The following CPZ variants were observed in gnomAD, a reference collection of about 807,000 sequenced individuals.
CPZ encodes the protein carboxypeptidase Z, also known as VEZT/CPZ fusion.
Under a neutral mutation model 61.8 loss-of-function variants are expected in CPZ, and 103 were observed. The ratio of observed to expected loss-of-function variants is 1.67; its 90% CI spans 1.42 to 1.96. The LOEUF (loss-of-function observed/expected upper bound fraction) is 1.96, where lower values mean the gene tolerates loss of function less well. CPZ is among the 30% of genes most tolerant of loss of function. The pLI, the probability that CPZ is intolerant of heterozygous loss-of-function variation, is 0.00. For missense variants in CPZ, 1,461 were observed against 914.9 expected, an observed-to-expected ratio of 1.60 and a Z score of -7.70; for synonymous variants, 551 against 373.7, an observed-to-expected ratio of 1.47 and a Z score of -5.47.
At chr4:8,615,406 C>T (rs1340857871) in intron 9 of CPZ, among the ~76,000 whole-genome samples, 2 of 152,200 alleles carry the variant, frequency 1.3e-5, no homozygotes, top group Non-Finnish European at 2.9e-5. Flanking sequence ...TTCGAAGAAG[C>T]TTCTGCTATT....
chr4:8,593,207 C>T (rs987425323), intron 1 of CPZ, among the ~76,000 whole-genome samples: 11 of 152,192 alleles, frequency 7.2e-5, no homozygotes, highest in African/African-American at 2.7e-4. Flanking sequence ...TCCTGTCGGA[C>T]ACAGCAGCAG....
At chr4:8,612,746 A>G (rs1043737718) in intron 8 of CPZ, among the ~76,000 whole-genome samples, 9 of 152,212 alleles carry the variant, frequency 5.9e-5, no homozygotes, top group African/African-American at 2.2e-4. Context: ...GACCAGGCAC[A>G]CATGCTCTGG....
At chr4:8,612,221 G>GGGGGGGGGGGGGGGGGGGGGC in intron 8 of CPZ, 59 bp downstream of exon 8, 3 of 206,196 alleles carry the variant, frequency 1.5e-5, no homozygotes, top group East Asian at 1.6e-4. Context: ...GCTGGGTGGG[G>GGGGGGGGGGGGGGGGGGGGGC]CAGGGGCAAG....
intron 7 of CPZ, among the ~76,000 whole-genome samples, chr4:8,609,044 C>A (rs1434100884): frequency 7.4e-6 from 1 of 135,766 alleles, no homozygotes; most frequent in African/African-American, 2.9e-5. Flanking sequence ...CACCCATTCA[C>A]TCCCTCCCTC....
chr4:8,612,429 ATGACC>A (rs1715791314), intron 8 of CPZ, among the ~76,000 whole-genome samples: 1 of 152,222 alleles, frequency 6.6e-6, no homozygotes, highest in Non-Finnish European at 1.5e-5. Context: ...GGTTTCACCC[ATGACC>A]AATACCTTTG....
rs1454835705 is a variant in CPZ at position 8,604,090 on chromosome 4, G to A, written c.611G>A (p.Cys204Tyr). ...GTGCTGAGGCGGACGGCCTCCCGCTGCGCCCACGTGGCCAGGACCTACAGC... is the reference window on the plus strand; with the variant it reads ...GTGCTGAGGCGGACGGCCTCCCGCTACGCCCACGTGGCCAGGACCTACAGC... Reference protein sequence around the residue: ...VRVLRRTASRCAHVARTYSIG... With the variant: ...VRVLRRTASRYAHVARTYSIG... Residue 204 changes from cysteine to tyrosine, a missense_variant, in exon 4 of 11, where the codon TGC becomes TAC. By Grantham distance (194) the Cys-to-Tyr change is radical. Transcript: ENST00000360986. The A allele has an allele frequency of 6.2e-7, 1 of 1,608,920 alleles. No individual in the cohort carries two copies. Among genetic ancestry groups the A allele is most frequent in the Non-Finnish European group, 8.5e-7 (1 of 1,178,590 alleles).
chr4:8,610,646 A>T (rs1297399554), intron 7 of CPZ, among the ~76,000 whole-genome samples: 2 of 152,086 alleles, frequency 1.3e-5, no homozygotes, highest in Non-Finnish European at 2.9e-5. Flanking sequence ...CGTTTGTTGG[A>T]TGTGATTCAT....
At chr4:8,616,671 G>A (rs1716195543) in intron 9 of CPZ, among the ~76,000 whole-genome samples, 1 of 152,194 alleles carries the variant, frequency 6.6e-6, no homozygotes, top group Admixed American at 6.5e-5. Flanking sequence ...GCTGTCTGGG[G>A]GTGAGGAGGA....
intron 7 of CPZ, among the ~76,000 whole-genome samples, chr4:8,611,773 T>C (rs1715717545): frequency 6.6e-6 from 1 of 151,562 alleles, no homozygotes; most frequent in South Asian, 2.1e-4. Flanking sequence ...AGAGTCTCGG[T>C]GATTACCCCA....
At chr4:8,605,355 C>CCATCCATCCATCCATTT in intron 4 of CPZ, among the ~76,000 whole-genome samples, 1 of 113,650 alleles carries the variant, frequency 8.8e-6, no homozygotes. Flanking sequence ...TCCATTTATT[C>CCATCCATCCATCCATTT]ATTCAGCCAT....
Position 8,619,442 on chromosome 4 carries a change from T to G in CPZ, c.1784T>G (p.Leu595Arg), listed in dbSNP as rs1183205667. Residue 595 changes from leucine (L) to arginine (R), a missense_variant, in exon 11 of 11, where the codon CTG becomes CGG. Physicochemically the swap from Leu to Arg is moderately radical, Grantham distance 102 (BLOSUM62 -2). Coordinates refer to ENST00000360986, the MANE Select transcript of CPZ (RefSeq NM_001014447.3). ...GMGPKNFIHG[L>R]RRTGPHDPLG... The stretch of plus-strand genomic sequence containing the variant: ...GGACCCAAGAACTTTATTCATGGGC[T>G]GCGGAGGACTGGGCCCCACGACCCA... 1.4e-5 allele frequency: 23 copies of G among 1,613,630 alleles called. No individual in the cohort carries two copies. Among genetic ancestry groups the G allele is most frequent in the Non-Finnish European group, 1.9e-5 (23 of 1,179,778 alleles).
intron 7 of CPZ, among the ~76,000 whole-genome samples, chr4:8,608,135 TCCAGCCCCCAGCCC>T (rs774809654): frequency 3.6e-5 from 5 of 137,642 alleles, no homozygotes; most frequent in South Asian, 2.3e-4. Context: ...GGCCCCAGCC[TCCAGCCCCCAGCCC>T]CCAGCCCCCA....
chr4:8,606,192 G>A lies in CPZ; in HGVS notation c.906+7G>A, dbSNP rs746349832. On this transcript the variant is annotated splice_region_variant and intron_variant, in intron 5 of 10. Transcript: ENST00000360986. Reference sequence around the variant, plus strand: ...TGAGGTGGCAGCTGCCGAGGTGAGCGCCCAGATGCCTGGATCCTGTGGGCC... The same window carrying A: ...TGAGGTGGCAGCTGCCGAGGTGAGCACCCAGATGCCTGGATCCTGTGGGCC... 1.7e-5 allele frequency: 28 copies of A among 1,610,572 alleles called. No individual in the cohort carries two copies. Among genetic ancestry groups the A allele is most frequent in the Middle Eastern group, 1.6e-4 (1 of 6,074 alleles).
chr4:8,603,290 C>T (rs756432093), intron 3 of CPZ: 2 of 152,316 alleles, frequency 1.3e-5, no homozygotes, highest in Non-Finnish European at 2.9e-5. Context: ...GCCCTCAGGG[C>T]ACCTCTGTTC....
intron 7 of CPZ, among the ~76,000 whole-genome samples, chr4:8,609,236 AC>A (rs1715416277): frequency 2.0e-4 from 6 of 29,998 alleles, no homozygotes; most frequent in Non-Finnish European, 3.7e-4. Flanking sequence ...ACTCATTGTC[AC>A]TCATTCACTC....
intron 1 of CPZ, among the ~76,000 whole-genome samples, chr4:8,595,409 C>T (rs1714105442): frequency 6.6e-6 from 1 of 152,240 alleles, no homozygotes; most frequent in Non-Finnish European, 1.5e-5. Flanking sequence ...TAACCAGCCA[C>T]AGTCGTCCTG....
chr4:8,598,283 C>T (rs987242926), intron 1 of CPZ, among the ~76,000 whole-genome samples: 4 of 152,194 alleles, frequency 2.6e-5, no homozygotes, highest in African/African-American at 4.8e-5. Flanking sequence ...AGGAAGTTCC[C>T]GAGGGTGGGA....
chr4:8,618,543 G>T lies in CPZ; in HGVS notation c.1603+15G>T, dbSNP rs768179196. On this transcript the variant is annotated intron_variant, in intron 10 of 10. Transcript: ENST00000360986. ...CATCACCACAGGTGAGCACGTCCCTGGCTGTCCCCTGGGGACCACGTCTGC... is the reference window on the plus strand; with the variant it reads ...CATCACCACAGGTGAGCACGTCCCTTGCTGTCCCCTGGGGACCACGTCTGC... The T allele has an allele frequency of 6.2e-6, 10 of 1,610,914 alleles. No homozygotes were observed. The highest frequency in any genetic ancestry group is 1.1e-5 in the South Asian group (1 of 90,984).
intron 9 of CPZ, among the ~76,000 whole-genome samples, chr4:8,615,974 T>G (rs1440322417): frequency 6.6e-6 from 1 of 152,242 alleles, no homozygotes; most frequent in East Asian, 1.9e-4. Flanking sequence ...CATTCTTCTA[T>G]GAGCTCTCGC....
Sources: gnomAD v4.1 joint callset for allele counts (sites outside exome capture counted in the v4.1 genomes callset) on GRCh38, gnomAD v4.1.1 for gene constraint, MANE v1.5 for transcripts, NCBI Gene and HGNC (gene_info 2026-07-23, HGNC 2026-07-21) for gene names.